The following CCDC150 variants were observed in gnomAD, a reference collection of about 807,000 sequenced individuals.
CCDC150 encodes the protein coiled-coil domain-containing protein 150.
Under a neutral mutation model 156.5 loss-of-function variants are expected in CCDC150, and 151 were observed. The ratio of observed to expected loss-of-function variants is 0.97; its 90% CI spans 0.85 to 1.10. The LOEUF is 1.10. CCDC150 is among the 50% of genes least tolerant of loss of function. The pLI is 0.00. For synonymous variants in CCDC150, 452 were observed against 429.4 expected, an observed-to-expected ratio of 1.05 and a Z score of -0.65; for missense variants, 1,312 against 1,268.1, an observed-to-expected ratio of 1.03 and a Z score of -0.53.
At position 196,729,215 on chromosome 2, in the gene CCDC150, C is replaced by G. The variant is rs1004112655; in HGVS notation, c.2579C>G (p.Ala860Gly). ...AAGCTGAAGAAAGCCCTTGATGAAG[C>G]TAACTTCAGATCAGTGGAAGTGTCC... The part of the protein sequence containing the change: ...VAELKKALDE[A>G]NFRSVEVSRT... Residue 860 changes from alanine to glycine, a missense_variant, in exon 23 of 28, where the codon GCT becomes GGT. Physicochemically the swap from Ala to Gly is moderately conservative, Grantham distance 60. Coordinates refer to ENST00000389175, the MANE Select transcript of CCDC150 (RefSeq NM_001080539.2). The G allele has an allele frequency of 6.2e-7, 1 of 1,611,286 alleles. No individual in the cohort carries two copies. The highest frequency in any genetic ancestry group is 8.5e-7 in the Non-Finnish European group (1 of 1,179,268).
chr2:196,719,233 T>C (rs1374131030), intron 18 of CCDC150: 1 of 259,500 alleles, frequency 3.9e-6, no homozygotes, highest in Non-Finnish European at 7.2e-6. Flanking sequence ...GAGTCAGGCC[T>C]CTCTGGTTAA....
rs1267196724 is a variant in CCDC150 at position 196,726,173 on chromosome 2, G to C, written c.2556+74G>C. The C allele has an allele frequency of 2.6e-6, 4 of 1,537,402 alleles. No individual in the cohort carries two copies. In the Admixed American group the frequency reaches 7.1e-5, roughly 27 times the overall value. ...AGCAGCTCAAGGATTTCAGAGAATG[G>C]CTACAGTTGTTCTTTGACTCCTCTC... On this transcript the variant is annotated intron_variant, in intron 22 of 27. Coordinates refer to ENST00000389175, the MANE Select transcript of CCDC150 (RefSeq NM_001080539.2).
chr2:196,681,473 A>G (rs1175088379), intron 13 of CCDC150, among the ~76,000 whole-genome samples: 2 of 152,018 alleles, frequency 1.3e-5, no homozygotes, highest in Non-Finnish European at 2.9e-5. Flanking sequence ...CCTCTTTTCA[A>G]TTCTTTGTGA....
rs777082565 is a variant in CCDC150 at position 196,712,654 on chromosome 2, T to C, written c.1804-23T>C. The C allele has an allele frequency of 6.9e-6, 11 of 1,589,114 alleles. No homozygotes were observed. The African/African-American group carries it at 1.5e-4, about 21-fold the overall frequency. On this transcript the variant is annotated intron_variant, in intron 16 of 27. Coordinates refer to ENST00000389175, the MANE Select transcript of CCDC150 (RefSeq NM_001080539.2). ...AATTTTGGCAGTTGTGAGGAACAAG[T>C]ATCTTTGTTTTTTGAATTAAAGGCA...
At chr2:196,701,920 A>G (rs1382188315) in intron 15 of CCDC150, among the ~76,000 whole-genome samples, 1 of 152,166 alleles carries the variant, frequency 6.6e-6, no homozygotes, top group African/African-American at 2.4e-5. Flanking sequence ...TTTTCTATAT[A>G]TTTAAAACAT....
intron 2 of CCDC150, among the ~76,000 whole-genome samples, chr2:196,655,543 T>C (rs992914432): frequency 6.6e-6 from 1 of 152,148 alleles, no homozygotes; most frequent in Non-Finnish European, 1.5e-5. Flanking sequence ...GCAAGTTAGT[T>C]AGAAGCCAGA....
At chr2:196,703,618 G>C (rs972836563) in intron 15 of CCDC150, among the ~76,000 whole-genome samples, 5 of 152,084 alleles carry the variant, frequency 3.3e-5, no homozygotes, top group Non-Finnish European at 5.9e-5. Context: ...GATCTTATAA[G>C]AGGCTATGAC....
At chr2:196,707,434 T>C (rs1190256084) in intron 15 of CCDC150, among the ~76,000 whole-genome samples, 2 of 152,192 alleles carry the variant, frequency 1.3e-5, no homozygotes, top group Non-Finnish European at 2.9e-5. Context: ...AGTCTATCAA[T>C]TTTGCTGATC....
At position 196,672,353 on chromosome 2, in the gene CCDC150, G is replaced by T; in HGVS notation, c.945G>T (p.Gln315His). The change falls in exon 9 of 28, where the codon CAG (glutamine) becomes CAT (histidine). Residue 315 changes from glutamine (Q) to histidine (H), a missense_variant. Physicochemically the swap from Gln to His is conservative, Grantham distance 24 (BLOSUM62 0). Transcript: ENST00000389175. ...SKLVEENKNL[Q>H]ISFNKEHEEN... Reference sequence around the variant, plus strand: ...AATTTTTTTTCTTATAGAACCTGCAGATATCTTTCAACAAGGAACATGAAG... The same window carrying T: ...AATTTTTTTTCTTATAGAACCTGCATATATCTTTCAACAAGGAACATGAAG... 1 of 1,522,902 alleles carries T rather than the reference G, an allele frequency of 6.6e-7. No homozygotes were observed. The highest frequency in any genetic ancestry group is 8.8e-7 in the Non-Finnish European group (1 of 1,135,532). 94.3% of individuals were successfully genotyped at this position (1,522,902 alleles called of 1,614,324 possible).
chr2:196,676,249 C>T lies in CCDC150; in HGVS notation c.1244C>T (p.Thr415Ile). The T allele has an allele frequency of 6.2e-7, 1 of 1,613,502 alleles. No homozygotes were observed. Among genetic ancestry groups the T allele is most frequent in the Non-Finnish European group, 8.5e-7 (1 of 1,179,606 alleles). ...CTACAGACTGTTCAGAATGAGAAAA[C>T]CCAACTCCAGGCACATCTGTAAGTA... ...NELQTVQNEK[T>I]QLQAHLDHLI... The change falls in exon 11 of 28, where the codon ACC (threonine) becomes ATC (isoleucine). Residue 415 changes from threonine (T) to isoleucine (I), a missense_variant. Thr to Ile is a moderately conservative substitution (Grantham distance 89). Coordinates refer to ENST00000389175, the MANE Select transcript of CCDC150 (RefSeq NM_001080539.2).
intron 5 of CCDC150, among the ~76,000 whole-genome samples, chr2:196,664,222 A>G (rs953999314): frequency 6.6e-6 from 1 of 152,184 alleles, no homozygotes; most frequent in Non-Finnish European, 1.5e-5. Context: ...CAGTCCTGAC[A>G]CTGACACTAT....
Position 196,721,553 on chromosome 2 carries a change from C to T in CCDC150, c.2291C>T (p.Ala764Val). Residue 764 changes from alanine (A) to valine (V), a missense_variant, in exon 21 of 28, where the codon GCT (alanine) becomes GTT (valine). Ala to Val is a moderately conservative substitution (Grantham distance 64, BLOSUM62 0). Transcript: ENST00000389175. ...TCTCTACAAAAAGCTCTAGGTGTAGCTAGAGAAGACAACAGGAAACTTGCT... is the reference window on the plus strand; with the variant it reads ...TCTCTACAAAAAGCTCTAGGTGTAGTTAGAGAAGACAACAGGAAACTTGCT... ...IESLQKALGV[A>V]REDNRKLAMS... The T allele has an allele frequency of 6.2e-7, 1 of 1,607,370 alleles. No homozygotes were observed. The highest frequency in any genetic ancestry group is 1.1e-5 in the South Asian group (1 of 89,052).
At chr2:196,677,113 A>G (rs1442839063) in intron 12 of CCDC150, 180 bp from the exon 13 acceptor site, 8 of 704,820 alleles carry the variant, frequency 1.1e-5, no homozygotes, top group Non-Finnish European at 1.8e-5. Context: ...TTCTAATTTC[A>G]GGGCTATTTG....
At chr2:196,651,034 G>T (rs192599110) in intron 2 of CCDC150, among the ~76,000 whole-genome samples, 74 of 152,142 alleles carry the variant, frequency 4.9e-4, no homozygotes, top group Non-Finnish European at 6.0e-4. Context: ...CATATTTCTA[G>T]GAATTTGTCC....
Position 196,721,612 on chromosome 2 carries a change from C to A in CCDC150, c.2350C>A (p.His784Asn), listed in dbSNP as rs1049147073. Residue 784 changes from histidine (H) to asparagine (N), a missense_variant, in exon 21 of 28, where the codon CAT becomes AAT. His to Asn is a moderately conservative substitution (Grantham distance 68). Transcript: ENST00000389175. The part of the protein sequence containing the change: ...SLEQALQTNN[H>N]LQTKLDHIQE... ...GGAACAAGCTCTCCAGACAAATAAT[C>A]ATCTGCAAACAAAGCTAGATCACAT... 1 of 1,606,900 alleles carries A rather than the reference C, an allele frequency of 6.2e-7. No homozygotes were observed. The highest frequency in any genetic ancestry group is 8.5e-7 in the Non-Finnish European group (1 of 1,176,788).
intron 5 of CCDC150, among the ~76,000 whole-genome samples, chr2:196,663,063 C>A (rs1192518223): frequency 1.3e-5 from 2 of 151,832 alleles, no homozygotes; most frequent in African/African-American, 4.8e-5. Flanking sequence ...CAAAGTGAGA[C>A]CCTGGCTCAA....
intron 9 of CCDC150, among the ~76,000 whole-genome samples, chr2:196,672,900 G>A (rs1346298336): frequency 2.0e-5 from 3 of 152,104 alleles, no homozygotes; most frequent in East Asian, 1.9e-4. Context: ...TTTAGCTGAT[G>A]TTTTATATAT....
intron 5 of CCDC150, among the ~76,000 whole-genome samples, chr2:196,663,488 GAA>G (rs1270948959): frequency 0.11 from 1,251 of 11,632 alleles, 18 homozygotes; most frequent in African/African-American, 0.23. Flanking sequence ...CTATTGATAA[GAA>G]GGTAATAATT....
intron 13 of CCDC150, among the ~76,000 whole-genome samples, chr2:196,694,350 C>G (rs1470810924): frequency 6.6e-6 from 1 of 152,154 alleles, no homozygotes; most frequent in Non-Finnish European, 1.5e-5. Flanking sequence ...GCCACCGCTC[C>G]TGGCTGGAAG....
Sources: gnomAD v4.1 joint callset for allele counts (sites outside exome capture counted in the v4.1 genomes callset) on GRCh38, gnomAD v4.1.1 for gene constraint, MANE v1.5 for transcripts, NCBI Gene and HGNC (gene_info 2026-07-23, HGNC 2026-07-21) for gene names.